Variants in LDAH observed in about 807,000 individuals in gnomAD.
The protein encoded by LDAH is lipid droplet-associated hydrolase.
LDAH carries 26 observed loss-of-function variants against 29.6 expected under a neutral mutation model. That is an observed-to-expected ratio of 0.88 (90% CI 0.64 to 1.22). The LOEUF (loss-of-function observed/expected upper bound fraction) is 1.22. Among genes scored for constraint, LDAH ranks in the 50% most tolerant of loss-of-function variants. The pLI is 0.00. For synonymous variants in LDAH, 117 were observed against 133.0 expected (o/e 0.88, Z 0.83); for missense variants, 344 against 387.3 (o/e 0.89, Z 0.94).
At chr2:20,738,206 C>T (rs902191783) in intron 5 of LDAH, among the ~76,000 whole-genome samples, 20 of 150,880 alleles carry the variant, frequency 1.3e-4, no homozygotes, top group Admixed American at 2.0e-4. Flanking sequence ...GAGCCGAGAT[C>T]GCGCCACTGC....
At position 20,764,594 on chromosome 2, in the gene LDAH, T is replaced by A. The variant is rs568804971; in HGVS notation, c.468+10216A>T. On this transcript the variant is annotated intron_variant, in intron 4 of 6. Transcript: ENST00000237822. Reference sequence around the variant, plus strand: ...TGCTGTCATTTCTCTCAGTTCTCTCTGAACTCCTCCCAATGCATTCACCTG... The same window carrying A: ...TGCTGTCATTTCTCTCAGTTCTCTCAGAACTCCTCCCAATGCATTCACCTG... Among the ~76,000 whole-genome samples, 244 of 152,360 alleles carry A rather than the reference T, an allele frequency of 1.6e-3. 2 individuals carry two copies. Among genetic ancestry groups the A allele is most frequent in the African/African-American group, 5.8e-3 (240 of 41,590 alleles).
chr2:20,700,255 G>A (rs1382812108), intron 6 of LDAH, among the ~76,000 whole-genome samples: 4 of 152,168 alleles, frequency 2.6e-5, no homozygotes, highest in African/African-American at 7.2e-5. Flanking sequence ...GGCTAGTGAG[G>A]GCTTCCTTCT....
intron 1 of LDAH, among the ~76,000 whole-genome samples, chr2:20,810,796 A>G (rs1457395010): frequency 6.6e-6 from 1 of 152,214 alleles, no homozygotes; most frequent in Non-Finnish European, 1.5e-5. Flanking sequence ...GCTCCGCCTC[A>G]TGTTAGATCA....
chr2:20,733,487 C>G (rs552434708), intron 5 of LDAH, among the ~76,000 whole-genome samples: 1 of 150,216 alleles, frequency 6.7e-6, no homozygotes, highest in Admixed American at 6.7e-5. Flanking sequence ...GCAGCCTTGA[C>G]TTCCCAGGCT....
At chr2:20,795,578 C>G (rs1467762886) in intron 2 of LDAH, among the ~76,000 whole-genome samples, 1 of 151,892 alleles carries the variant, frequency 6.6e-6, no homozygotes, top group African/African-American at 2.4e-5. Flanking sequence ...TACAGAAATC[C>G]AAGATCTAAG....
Position 20,684,243 on chromosome 2 carries a change from T to C in LDAH, c.*2660A>G, listed in dbSNP as rs574184644. The C allele has an allele frequency of 6.6e-6, 1 of 152,284 alleles. No homozygotes were observed. Among genetic ancestry groups the C allele is most frequent in the Non-Finnish European group, 1.5e-5 (1 of 68,036 alleles). 9.4% of individuals were successfully genotyped at this position (152,284 alleles called of 1,614,324 possible). A position where few individuals can be genotyped will look rare whatever the true frequency, so the allele number is the denominator to read the frequency against. Reference sequence around the variant, plus strand: ...ACCACTGAAATCAGAAAATTAACAGTGGCATCTTACTCCCAGCTAATCTTC... The same window carrying C: ...ACCACTGAAATCAGAAAATTAACAGCGGCATCTTACTCCCAGCTAATCTTC... On this transcript the variant is annotated 3_prime_UTR_variant, in exon 7 of 7. Transcript: ENST00000237822.
chr2:20,750,030 T>TA (rs1340064060), intron 4 of LDAH, among the ~76,000 whole-genome samples: 1 of 142,132 alleles, frequency 7.0e-6, no homozygotes. Context: ...AAACTTTTTT[T>TA]TTTTTTTTTT....
chr2:20,701,589 A>G lies in LDAH; in HGVS notation c.767T>C (p.Ile256Thr), dbSNP rs1663941267. The change falls in exon 6 of 7, where the codon ATA becomes ACA. Residue 256 changes from isoleucine to threonine, a missense_variant. Transcript: ENST00000237822. ...GATTACCTTACATAAATGCTCCTTT[A>G]TGGTTTCGTCATCTCTCTTCACCAC... ...MEVVKRDDET[I>T]KEHLCKLTFY... 1 of 1,614,046 alleles carries G rather than the reference A, an allele frequency of 6.2e-7. No homozygotes were observed. The highest frequency in any genetic ancestry group is 1.3e-5 in the African/African-American group (1 of 75,030).
At chr2:20,810,300 T>TA in intron 1 of LDAH, among the ~76,000 whole-genome samples, 1 of 152,350 alleles carries the variant, frequency 6.6e-6, no homozygotes, top group East Asian at 1.9e-4. Flanking sequence ...CAATATGGGC[T>TA]ACTTAAGCTT....
intron 6 of LDAH, among the ~76,000 whole-genome samples, chr2:20,699,786 A>G (rs1479370107): frequency 6.6e-6 from 1 of 152,220 alleles, no homozygotes; most frequent in Non-Finnish European, 1.5e-5. Context: ...ATAAAATTTC[A>G]GTAAACTTAC....
chr2:20,786,437 G>A (rs1287833145), intron 3 of LDAH, among the ~76,000 whole-genome samples: 3 of 152,090 alleles, frequency 2.0e-5, no homozygotes, highest in South Asian at 2.1e-4. Flanking sequence ...CAATCTGCTC[G>A]CCTCAGCCTC....
intron 2 of LDAH, among the ~76,000 whole-genome samples, chr2:20,793,307 C>T (rs1671093878): frequency 6.6e-6 from 1 of 152,028 alleles, no homozygotes; most frequent in South Asian, 2.1e-4. Context: ...GAGGAGGTGA[C>T]ATTTAGCTAA....
chr2:20,711,752 C>G lies in LDAH; in HGVS notation c.704-10100G>C, dbSNP rs144742941. Among the ~76,000 whole-genome samples the G allele has an allele frequency of 5.6e-3, 849 of 152,362 alleles. 8 individuals carry two copies. The highest frequency in any genetic ancestry group is 0.019 in the African/African-American group (799 of 41,584). On this transcript the variant is annotated intron_variant, in intron 5 of 6. Coordinates refer to ENST00000237822, the MANE Select transcript of LDAH (RefSeq NM_021925.4). ...AGATTACATCCTGCGCCTGGCTCAG[C>G]GGGTCCCACGCCCACAGAGCCTTGC...
At chr2:20,749,873 A>T (rs1392664714) in intron 4 of LDAH, among the ~76,000 whole-genome samples, 6 of 152,144 alleles carry the variant, frequency 3.9e-5, no homozygotes, top group Non-Finnish European at 5.9e-5. Context: ...TTTCTTCCTC[A>T]CAGGTCTCTG....
intron 4 of LDAH, among the ~76,000 whole-genome samples, chr2:20,768,007 C>T (rs989340295): frequency 6.6e-6 from 1 of 152,142 alleles, no homozygotes; most frequent in Non-Finnish European, 1.5e-5. Flanking sequence ...GAGCTGAACA[C>T]TCACTGGGAC....
At chr2:20,754,206 G>A (rs1262143007) in intron 4 of LDAH, among the ~76,000 whole-genome samples, 3 of 152,086 alleles carry the variant, frequency 2.0e-5, no homozygotes, top group Non-Finnish European at 4.4e-5. Context: ...AAAGTACGCA[G>A]GCTGGGCGCG....
chr2:20,706,390 C>T (rs1272915087), intron 5 of LDAH, among the ~76,000 whole-genome samples: 1 of 152,082 alleles, frequency 6.6e-6, no homozygotes, highest in East Asian at 1.9e-4. Context: ...AGCTACTTAT[C>T]CTCTAAACAC....
intron 4 of LDAH, among the ~76,000 whole-genome samples, chr2:20,755,121 GTCTGTGTT>G (rs1217585640): frequency 3.5e-5 from 3 of 86,952 alleles, no homozygotes; most frequent in Admixed American, 1.2e-4. Flanking sequence ...AATATTGTGT[GTCTGTGTT>G]TGTGTGTGTG....
At chr2:20,819,566 C>T (rs184089332) in intron 1 of LDAH, among the ~76,000 whole-genome samples, 1 of 152,322 alleles carries the variant, frequency 6.6e-6, no homozygotes, top group East Asian at 1.9e-4. Context: ...CAAGATTCAA[C>T]AGCTCTTCAT....
Sources: allele counts gnomAD v4.1 joint callset (sites outside exome capture counted in the v4.1 genomes callset), GRCh38; gene constraint gnomAD v4.1.1; transcripts MANE v1.5; gene names NCBI Gene and HGNC (gene_info 2026-07-23, HGNC 2026-07-21).